Variants in DLGAP1 observed in about 807,000 individuals in gnomAD.
DLGAP1 encodes the protein disks large-associated protein 1.
DLGAP1 carries 11 observed loss-of-function variants against 90.8 expected under a neutral mutation model. The ratio of observed to expected loss-of-function variants is 0.12; its 90% CI spans 0.08 to 0.20. The LOEUF (loss-of-function observed/expected upper bound fraction) is 0.20, where lower values mean the gene tolerates loss of function less well. DLGAP1 is among the 10% of genes least tolerant of loss of function. DLGAP1 has a pLI of 1.00. For missense variants in DLGAP1, 1,050 were observed against 1,333.8 expected (o/e 0.79, Z 3.31); for synonymous variants, 558 against 540.7 (o/e 1.03, Z -0.44).
At chr18:4,101,190 G>A (rs2075772977) in intron 2 of DLGAP1, among the ~76,000 whole-genome samples, 1 of 152,120 alleles carries the variant, frequency 6.6e-6, no homozygotes, top group Non-Finnish European at 1.5e-5. Flanking sequence ...GGTTTAAAGT[G>A]AGAGACGTGC....
intron 1 of DLGAP1, among the ~76,000 whole-genome samples, chr18:4,232,258 T>G (rs888998512): frequency 2.6e-5 from 4 of 152,200 alleles, no homozygotes; most frequent in Admixed American, 2.6e-4. Flanking sequence ...TCTCTTATTC[T>G]ATTGAGGGGT....
intron 4 of DLGAP1, among the ~76,000 whole-genome samples, chr18:3,854,572 A>G (rs2069522190): frequency 1.3e-5 from 2 of 152,264 alleles, no homozygotes; most frequent in African/African-American, 4.8e-5. Context: ...TACTAACGTA[A>G]GTGGAGCTCC....
intron 1 of DLGAP1, among the ~76,000 whole-genome samples, chr18:4,270,576 T>C (rs1343745778): frequency 4.6e-5 from 7 of 152,204 alleles, no homozygotes; most frequent in Admixed American, 2.0e-4. Flanking sequence ...GTTTGGAATA[T>C]ATTTTTCTGA....
At chr18:3,782,110 A>G (rs2065224447) in intron 5 of DLGAP1, among the ~76,000 whole-genome samples, 1 of 151,456 alleles carries the variant, frequency 6.6e-6, no homozygotes. Context: ...GAATGCCTCA[A>G]TGATCATTAA....
At chr18:4,209,098 C>A (rs550429701) in intron 1 of DLGAP1, among the ~76,000 whole-genome samples, 1 of 152,112 alleles carries the variant, frequency 6.6e-6, no homozygotes, top group Non-Finnish European at 1.5e-5. Context: ...TAAGAGTCAA[C>A]TGATGGTGCT....
chr18:3,912,098 G>C (rs999334035), intron 3 of DLGAP1, among the ~76,000 whole-genome samples: 3 of 152,116 alleles, frequency 2.0e-5, no homozygotes, highest in Non-Finnish European at 2.9e-5. Context: ...AACAACAAAG[G>C]ATTTATTCTT....
intron 7 of DLGAP1, among the ~76,000 whole-genome samples, chr18:3,682,136 A>T (rs28570326): frequency 5.4e-5 from 3 of 55,534 alleles, no homozygotes; most frequent in Non-Finnish European, 9.2e-5. Flanking sequence ...AAAAATAAAA[A>T]AAAATAAAAA....
chr18:3,658,564 T>A (rs573365025), intron 7 of DLGAP1, among the ~76,000 whole-genome samples: 54 of 152,350 alleles, frequency 3.5e-4, no homozygotes, highest in African/African-American at 1.3e-3. Flanking sequence ...AGCCTTTCAT[T>A]GCAAAAATAA....
chr18:4,311,494 C>A (rs1278579350), intron 1 of DLGAP1, among the ~76,000 whole-genome samples: 1 of 152,078 alleles, frequency 6.6e-6, no homozygotes, highest in Non-Finnish European at 1.5e-5. Context: ...TTTTTAATAT[C>A]TTTTAGTAAC....
chr18:4,237,574 C>A (rs1521426), intron 1 of DLGAP1, among the ~76,000 whole-genome samples: 2 of 151,912 alleles, frequency 1.3e-5, no homozygotes, highest in Non-Finnish European at 2.9e-5. Context: ...CTCTGCGGCC[C>A]TCTCTTCAAA....
intron 7 of DLGAP1, among the ~76,000 whole-genome samples, chr18:3,670,406 T>C (rs1791390): frequency 0.65 from 98,262 of 151,760 alleles, 33,488 homozygotes; most frequent in African/African-American, 0.87. Flanking sequence ...TTTGACTTCC[T>C]GGGAATTTCT....
At chr18:4,366,234 A>T (rs1286703194) in intron 1 of DLGAP1, among the ~76,000 whole-genome samples, 4 of 152,148 alleles carry the variant, frequency 2.6e-5, no homozygotes, top group Non-Finnish European at 4.4e-5. Flanking sequence ...ATAATCTTTT[A>T]AAAATGTTTT....
intron 2 of DLGAP1, among the ~76,000 whole-genome samples, chr18:4,064,489 C>T (rs968465741): frequency 6.6e-6 from 1 of 151,850 alleles, no homozygotes; most frequent in African/African-American, 2.4e-5. Flanking sequence ...CAAATGAACA[C>T]AATCAGAAAT....
At chr18:3,783,283 G>A (rs561513743) in intron 5 of DLGAP1, among the ~76,000 whole-genome samples, 1 of 152,280 alleles carries the variant, frequency 6.6e-6, no homozygotes, top group East Asian at 1.9e-4. Flanking sequence ...ATATGAACCA[G>A]CAATTCTGCT....
At position 3,978,588 on chromosome 18, in the gene DLGAP1, C is replaced by A; in HGVS notation, c.-73+26528G>T. 1.3e-5 allele frequency: 3 copies of A among 226,322 alleles called. No homozygotes were observed. In the South Asian group the frequency reaches 2.3e-4, roughly 17 times the overall value. The allele number at this position is 226,322 out of a possible 1,614,324, so 14.0% of individuals were successfully genotyped here. On this transcript the variant is annotated intron_variant, in intron 3 of 12. Coordinates refer to ENST00000315677, the MANE Select transcript of DLGAP1 (RefSeq NM_004746.4). ...ACCAGGTGCCCAACACGACCAAGTT[C>A]GTTTACTCTGGCCTTCACCTTCACC...
chr18:4,103,659 T>C (rs2075815216), intron 2 of DLGAP1, among the ~76,000 whole-genome samples: 1 of 152,142 alleles, frequency 6.6e-6, no homozygotes, highest in South Asian at 2.1e-4. Flanking sequence ...GGTAAACATA[T>C]CTTGTTCCTA....
chr18:3,600,895 T>G (rs866146128), intron 7 of DLGAP1, among the ~76,000 whole-genome samples: 78 of 100,350 alleles, frequency 7.8e-4, no homozygotes, highest in Non-Finnish European at 1.0e-3. Flanking sequence ...GATATATAGA[T>G]ATATATAGAT....
intron 1 of DLGAP1, among the ~76,000 whole-genome samples, chr18:4,263,959 G>C (rs1159359870): frequency 6.6e-6 from 1 of 152,156 alleles, no homozygotes. Flanking sequence ...AAAGCAAATA[G>C]TCTTTCTGAA....
At chr18:4,205,840 G>A (rs150335651) in intron 1 of DLGAP1, among the ~76,000 whole-genome samples, 3 of 152,240 alleles carry the variant, frequency 2.0e-5, no homozygotes, top group Non-Finnish European at 4.4e-5. Context: ...ACATACAATC[G>A]CTAATTGTAA....
Sources: allele counts gnomAD v4.1 joint callset (sites outside exome capture counted in the v4.1 genomes callset), GRCh38; gene constraint gnomAD v4.1.1; transcripts MANE v1.5; gene names NCBI Gene and HGNC (gene_info 2026-07-23, HGNC 2026-07-21).